Variants in DCAF8 observed in about 807,000 individuals in gnomAD.
The protein encoded by DCAF8 is DDB1 and CUL4 associated factor 8, also known as DDB1- and CUL4-associated factor 8.
DCAF8 carries 20 observed loss-of-function variants against 68.0 expected under a neutral mutation model. That is an observed-to-expected ratio of 0.29 (90% CI 0.21 to 0.43). The LOEUF is 0.43. Among genes scored for constraint, DCAF8 ranks in the 20% least tolerant of loss-of-function variants. The pLI is 1.00. For synonymous variants in DCAF8, 230 were observed against 276.9 expected (o/e 0.83, Z 1.68); for missense variants, 460 against 771.0 (o/e 0.60, Z 4.78).
rs373595833 is a variant in DCAF8, at chr1:160,252,910, C to A, written c.-27+8375G>T. ...TTCTGAATAAATTTAAAATCCAAGC[C>A]GACATGTTAGGAAGGTACTGACGAA... On this transcript the variant is annotated intron_variant, in intron 2 of 13. Transcript: ENST00000368074. 5.9e-5 allele frequency among the ~76,000 whole-genome samples: 9 copies of A among 151,966 alleles called. No homozygotes were observed. In the East Asian group the frequency reaches 1.5e-3, roughly 26 times the overall value.
rs1287872767 is a variant in DCAF8 at position 160,231,822 on chromosome 1, C to T, written c.960-415G>A. On this transcript the variant is annotated intron_variant, in intron 6 of 13. Transcript: ENST00000368074. ...CCTATCACCTGGGAACAAGGAGAGA[C>T]GTGGAAGAAGAATCCCAGAAACAGT... Among the ~76,000 whole-genome samples the T allele has an allele frequency of 2.0e-5, 3 of 152,088 alleles. No homozygotes were observed. The South Asian group carries it at 6.2e-4, about 31-fold the overall frequency.
At chr1:160,224,977 A>G in intron 9 of DCAF8, 85 bp downstream of exon 9, 4 of 1,285,806 alleles carry the variant, frequency 3.1e-6, no homozygotes, top group Non-Finnish European at 4.5e-6. Context: ...AGTGGTGAGC[A>G]CTGGAGGGCA....
intron 2 of DCAF8, among the ~76,000 whole-genome samples, chr1:160,260,458 C>T (rs976426794): frequency 6.6e-6 from 1 of 152,186 alleles, no homozygotes; most frequent in African/African-American, 2.4e-5. Flanking sequence ...TCACCAGTGT[C>T]ACTCAATATT....
At chr1:160,250,749 T>G (rs1241163055) in intron 2 of DCAF8, among the ~76,000 whole-genome samples, 1 of 152,204 alleles carries the variant, frequency 6.6e-6, no homozygotes, top group Non-Finnish European at 1.5e-5. Flanking sequence ...ATAAAAAGTC[T>G]ACAACCCTAT....
chr1:160,250,464 C>CAAAAAAAAAAAAAAAAAAAA (rs386368471), intron 2 of DCAF8, among the ~76,000 whole-genome samples: 1 of 66,644 alleles, frequency 1.5e-5, no homozygotes. Flanking sequence ...GAAACTGTCT[C>CAAAAAAAAAAAAAAAAAAAA]AAAAAAAAAA....
chr1:160,225,158 C>A (rs761370298), intron 8 of DCAF8, 39 bp from the exon 9 acceptor site: 1 of 1,597,228 alleles, frequency 6.3e-7, no homozygotes, highest in South Asian at 1.1e-5. Context: ...GCCCCACCCC[C>A]CCATTTGTTA....
intron 2 of DCAF8, among the ~76,000 whole-genome samples, chr1:160,248,771 G>A (rs1656460998): frequency 6.6e-6 from 1 of 152,090 alleles, no homozygotes; most frequent in African/African-American, 2.4e-5. Flanking sequence ...GCTCACACCT[G>A]TAATCCCAAC....
At position 160,218,414 on chromosome 1, in the gene DCAF8, C is replaced by T; in HGVS notation, c.1587G>A (p.Arg529=). 6.2e-7 allele frequency: 1 copy of T among 1,614,158 alleles called. No homozygotes were observed. Among genetic ancestry groups the T allele is most frequent in the Non-Finnish European group, 8.5e-7 (1 of 1,180,020 alleles). Residue 529 remains arginine (R), a synonymous_variant, in exon 13 of 14, where the codon CGG becomes CGA. Transcript: ENST00000368074. ...KDVIKKNKRE[R]DEDSLHQTDL... is the part of the protein sequence containing the mutation. Reference sequence around the variant, plus strand: ...CAGTTTGGTGCAAGCTATCTTCATCCCGCTCCCGCTTGTTCTTCTTAATCA... The same window carrying T: ...CAGTTTGGTGCAAGCTATCTTCATCTCGCTCCCGCTTGTTCTTCTTAATCA...
At chr1:160,253,756 G>T (rs1656703810) in intron 2 of DCAF8, among the ~76,000 whole-genome samples, 1 of 151,600 alleles carries the variant, frequency 6.6e-6, no homozygotes, top group Admixed American at 6.6e-5. Context: ...AGTCCCAGAG[G>T]TCGAGATTGC....
At chr1:160,225,813 G>A in intron 7 of DCAF8, 150 bp from the exon 8 acceptor site, 1 of 619,496 alleles carries the variant, frequency 1.6e-6, no homozygotes, top group South Asian at 2.0e-5. Context: ...TTCCTTAAAG[G>A]GCATCCCTTT....
chr1:160,240,061 C>T lies in DCAF8; in HGVS notation c.359G>A (p.Arg120His), dbSNP rs1315692521. 9.3e-6 allele frequency: 15 copies of T among 1,614,132 alleles called. No homozygotes were observed. Among genetic ancestry groups the T allele is most frequent in the Admixed American group, 1.7e-5 (1 of 60,018 alleles). ...GTCCTGGTCACGGTTAGCCCGCTTG[C>T]GCTGTACACGGCGCCGAGGCTGCTC... ...EEEQPRRRVQ[R>H]KRANRDQDSS... The change falls in exon 4 of 14, where the codon CGC (arginine) becomes CAC (histidine). Residue 120 changes from arginine to histidine, a missense_variant. Around this residue, in one of 8 missense-constraint regions of DCAF8, gnomAD observed 156 missense variants for 181.4 expected, o/e 0.86. Coordinates refer to ENST00000368074, the MANE Select transcript of DCAF8 (RefSeq NM_015726.4).
chr1:160,220,572 G>A (rs113494190), intron 11 of DCAF8: 1 of 152,264 alleles, frequency 6.6e-6, no homozygotes, highest in Non-Finnish European at 1.5e-5. Flanking sequence ...TGCCTGAGCA[G>A]AGAAAAGAGC....
chr1:160,221,894 C>T (rs543795841), intron 11 of DCAF8, among the ~76,000 whole-genome samples: 2 of 151,610 alleles, frequency 1.3e-5, no homozygotes, highest in South Asian at 2.1e-4. Flanking sequence ...TTCCCTAACT[C>T]GATTCTCACT....
chr1:160,236,626 T>A (rs958081218), intron 6 of DCAF8, among the ~76,000 whole-genome samples: 2 of 152,204 alleles, frequency 1.3e-5, no homozygotes, highest in African/African-American at 4.8e-5. Flanking sequence ...ATGTTGTGTT[T>A]TTTCTATGAT....
chr1:160,222,513 T>C lies in DCAF8; in HGVS notation c.1440+138A>G, dbSNP rs372826571. Reference sequence around the variant, plus strand: ...CATCAAAAACTCAGCACCTCCAGGCTAACTAGTCTTTTATGGCTGGCTGGA... The same window carrying C: ...CATCAAAAACTCAGCACCTCCAGGCCAACTAGTCTTTTATGGCTGGCTGGA... On this transcript the variant is annotated intron_variant, in intron 11 of 13. Coordinates refer to ENST00000368074, the MANE Select transcript of DCAF8 (RefSeq NM_015726.4). 213 of 1,196,178 alleles carry C rather than the reference T, an allele frequency of 1.8e-4. 1 individual carries two copies. In the East Asian group the frequency reaches 2.8e-3, roughly 16 times the overall value. The allele number at this position is 1,196,178 out of a possible 1,614,324, so 74.1% of individuals were successfully genotyped here. A position where few individuals can be genotyped will look rare whatever the true frequency, so the allele number is the denominator to read the frequency against.
At chr1:160,262,015 A>C (rs1364904961) in intron 1 of DCAF8, 2 of 225,530 alleles carry the variant, frequency 8.9e-6, no homozygotes, top group African/African-American at 4.5e-5. Flanking sequence ...CGTGTCCCTC[A>C]ATCTAAGGGG....
intron 4 of DCAF8, chr1:160,239,382 A>C: frequency 7.2e-7 from 1 of 1,392,564 alleles, no homozygotes; most frequent in East Asian, 2.6e-5. Flanking sequence ...GCTAGTAAGC[A>C]GAAGGGCTAG....
intron 7 of DCAF8, among the ~76,000 whole-genome samples, chr1:160,228,610 C>CTTTT (rs59684865): frequency 1.4e-5 from 2 of 141,060 alleles, no homozygotes; most frequent in Admixed American, 7.0e-5. Flanking sequence ...CTCTACTTAC[C>CTTTT]TTTTTTTTTT....
At chr1:160,241,380 G>A (rs1256350744) in intron 3 of DCAF8, among the ~76,000 whole-genome samples, 1 of 152,118 alleles carries the variant, frequency 6.6e-6, no homozygotes, top group Admixed American at 6.5e-5. Context: ...TCTCTATTGA[G>A]ACAGTTTTAT....
Sources: gnomAD v4.1 joint callset for allele counts (sites outside exome capture counted in the v4.1 genomes callset) on GRCh38, gnomAD v4.1.1 for gene constraint, gnomAD v4.1.1 regional missense constraint, MANE v1.5 for transcripts, NCBI Gene and HGNC (gene_info 2026-07-23, HGNC 2026-07-21) for gene names.